Variants in C2CD3 observed in about 807,000 individuals in gnomAD.
C2CD3 encodes C2 domain containing 3 centriole elongation regulator, also known as C2 domain-containing protein 3.
A neutral mutation model predicts 234.0 loss-of-function variants in C2CD3; 148 were observed. The ratio of observed to expected loss-of-function variants is 0.63; its 90% CI spans 0.55 to 0.72. C2CD3 has a LOEUF of 0.72. Among genes scored for constraint, C2CD3 ranks in the 30% least tolerant of loss-of-function variants. The probability of loss-of-function intolerance (pLI) is 0.00; values close to 1 mark genes in which losing one functional copy is unlikely to be tolerated. For synonymous variants in C2CD3, 1,000 were observed against 1,035.4 expected, an observed-to-expected ratio of 0.97 and a Z score of 0.66; for missense variants, 2,577 against 2,811.5, an observed-to-expected ratio of 0.92 and a Z score of 1.89.
intron 2 of C2CD3, among the ~76,000 whole-genome samples, chr11:74,162,693 A>G (rs1386397692): frequency 2.0e-5 from 3 of 152,246 alleles, no homozygotes; most frequent in Non-Finnish European, 4.4e-5. Flanking sequence ...TCAACTGACC[A>G]AAAATATTTA....
intron 24 of C2CD3, 73 bp downstream of exon 24, chr11:74,074,180 T>C (rs375863263): frequency 2.0e-5 from 20 of 1,010,800 alleles, no homozygotes; most frequent in Non-Finnish European, 2.8e-5. Context: ...CTGCCATGAT[T>C]TGAAAGATTT....
At chr11:74,017,032 G>C (rs1951905439) in intron 32 of C2CD3, among the ~76,000 whole-genome samples, 1 of 152,202 alleles carries the variant, frequency 6.6e-6, no homozygotes. Flanking sequence ...TATGCCACGT[G>C]GAGGTGCAGG....
intron 32 of C2CD3, among the ~76,000 whole-genome samples, chr11:74,022,489 T>C (rs1952131309): frequency 6.6e-6 from 1 of 152,076 alleles, no homozygotes; most frequent in Non-Finnish European, 1.5e-5. Context: ...AGACTGAAGA[T>C]AAGGATTTGA....
At chr11:74,083,801 T>C (rs930177937) in intron 22 of C2CD3, among the ~76,000 whole-genome samples, 2 of 152,092 alleles carry the variant, frequency 1.3e-5, no homozygotes, top group East Asian at 1.9e-4. Flanking sequence ...CAACAGGTGC[T>C]GGAGAGGATG....
intron 3 of C2CD3, among the ~76,000 whole-genome samples, chr11:74,151,112 G>C (rs1443342458): frequency 2.0e-5 from 3 of 151,984 alleles, no homozygotes; most frequent in African/African-American, 4.8e-5. Context: ...TTTTAGTACA[G>C]ATGAGGTTTC....
At chr11:74,034,717 TA>T in intron 30 of C2CD3, 1 of 882,028 alleles carries the variant, frequency 1.1e-6, no homozygotes, top group Non-Finnish European at 1.9e-6. Flanking sequence ...CTATCACCCA[TA>T]TGATAAGGCA....
chr11:74,129,475 T>C lies in C2CD3; in HGVS notation c.1217+3369A>G, dbSNP rs1957559960. 1.7e-5 allele frequency: 3 copies of C among 171,916 alleles called. No homozygotes were observed. In the South Asian group the frequency reaches 2.8e-4, roughly 16 times the overall value. The allele number at this position is 171,916 out of a possible 1,614,324, so 10.6% of individuals were successfully genotyped here. ...GAGGCGCTCCCCACATCTCAGACGA[T>C]GGGTGGCCGGGCAGAGACACTCCTC... On this transcript the variant is annotated intron_variant, in intron 7 of 32. Transcript: ENST00000334126.
chr11:74,053,871 A>G (rs1179674681), intron 26 of C2CD3, among the ~76,000 whole-genome samples: 1 of 152,144 alleles, frequency 6.6e-6, no homozygotes, highest in Non-Finnish European at 1.5e-5. Context: ...TAGTGTCAGC[A>G]CTTTGGGAGG....
At chr11:74,067,764 A>G (rs1037541205) in intron 24 of C2CD3, among the ~76,000 whole-genome samples, 1 of 152,140 alleles carries the variant, frequency 6.6e-6, no homozygotes, top group Non-Finnish European at 1.5e-5. Context: ...CTTTTATTGC[A>G]TTGTACTCCT....
At chr11:74,035,467 A>C (rs947713648) in intron 30 of C2CD3, among the ~76,000 whole-genome samples, 4 of 152,226 alleles carry the variant, frequency 2.6e-5, no homozygotes, top group East Asian at 1.9e-4. Flanking sequence ...GAAGCACTTA[A>C]GAATATGACA....
intron 13 of C2CD3, among the ~76,000 whole-genome samples, chr11:74,104,103 C>A (rs1490138118): frequency 6.6e-6 from 1 of 152,178 alleles, no homozygotes; most frequent in Non-Finnish European, 1.5e-5. Flanking sequence ...AGTTAGAAAT[C>A]ACCATTTGAC....
rs1360087868 is a variant in C2CD3, at chr11:74,168,533, T to TTA, written c.135_136insTA (p.Asn46Ter). 1 of 1,614,122 alleles carries TTA rather than the reference T, an allele frequency of 6.2e-7. No individual in the cohort carries two copies. Among genetic ancestry groups the TTA allele is most frequent in the African/African-American group, 1.3e-5 (1 of 75,056 alleles). On this transcript the variant is annotated frameshift_variant, in exon 2 of 33. Transcript: ENST00000334126. LOFTEE classifies it high-confidence loss of function. ...TTTGCAATCTTCCATATGACTCTAT[T>TTA]AACAGTAAGTTTTAGAAAACAGCGT...
At chr11:74,146,033 G>A (rs1465784359) in intron 3 of C2CD3, among the ~76,000 whole-genome samples, 1 of 152,104 alleles carries the variant, frequency 6.6e-6, no homozygotes, top group African/African-American at 2.4e-5. Context: ...GATAGCATCA[G>A]GAAACAAACT....
chr11:74,144,842 G>A (rs1458305025), intron 3 of C2CD3, among the ~76,000 whole-genome samples: 1 of 152,174 alleles, frequency 6.6e-6, no homozygotes, highest in Admixed American at 6.5e-5. Flanking sequence ...TTTCTTAACG[G>A]TCTACCATTG....
At chr11:74,080,318 A>G (rs1955286841) in intron 22 of C2CD3, among the ~76,000 whole-genome samples, 1 of 152,134 alleles carries the variant, frequency 6.6e-6, no homozygotes, top group Non-Finnish European at 1.5e-5. Flanking sequence ...GTTTTTCTCT[A>G]TGAAATGAGG....
At chr11:74,168,635 C>A (rs376198662) in intron 1 of C2CD3, 22 bp from the exon 2 acceptor site, 1 of 1,597,146 alleles carries the variant, frequency 6.3e-7, no homozygotes, top group South Asian at 1.1e-5. Flanking sequence ...TCCAAGAAAA[C>A]TGAGTCAAAA....
intron 5 of C2CD3, among the ~76,000 whole-genome samples, chr11:74,135,950 G>A (rs1488530545): frequency 6.6e-6 from 1 of 152,028 alleles, no homozygotes; most frequent in Non-Finnish European, 1.5e-5. Flanking sequence ...GGTAACAATA[G>A]AAACTGGGGA....
chr11:74,169,285 A>G (rs1275587498), intron 1 of C2CD3, among the ~76,000 whole-genome samples: 2 of 152,166 alleles, frequency 1.3e-5, no homozygotes. Flanking sequence ...TTTAGTATTT[A>G]TTGGGTTTCA....
At chr11:74,120,130 T>C (rs973213899) in intron 8 of C2CD3, among the ~76,000 whole-genome samples, 2 of 151,954 alleles carry the variant, frequency 1.3e-5, no homozygotes, top group African/African-American at 4.8e-5. Flanking sequence ...TTACTTCCTT[T>C]TTTTTTTTTA....
Sources: allele counts gnomAD v4.1 joint callset (sites outside exome capture counted in the v4.1 genomes callset), GRCh38; gene constraint gnomAD v4.1.1; transcripts MANE v1.5; gene names NCBI Gene and HGNC (gene_info 2026-07-23, HGNC 2026-07-21).